The following RDH13 variants were observed in gnomAD, a reference collection of about 807,000 sequenced individuals.
RDH13 encodes retinol dehydrogenase 13, also known as retinol dehydrogenase 13 (all-trans and 9-cis).
In RDH13, 35 loss-of-function variants were observed where a neutral mutation model predicts 28.3. The observed-to-expected ratio is 1.24, with a 90% CI of 0.95 to 1.64. The LOEUF is 1.64. Among genes scored for constraint, RDH13 ranks in the 40% most tolerant of loss-of-function variants. The probability of loss-of-function intolerance (pLI) is 0.00; values close to 1 mark genes in which losing one functional copy is unlikely to be tolerated. For synonymous variants in RDH13, 229 were observed against 198.5 expected (o/e 1.15, Z -1.29); for missense variants, 514 against 446.3 (o/e 1.15, Z -1.37).
rs766143971 is a variant in RDH13 at position 55,045,250 on chromosome 19, G to C, written c.820C>G (p.Leu274Val). 6.2e-7 allele frequency: 1 copy of C among 1,613,244 alleles called. No individual in the cohort carries two copies. The highest frequency in any genetic ancestry group is 1.3e-5 in the African/African-American group (1 of 74,946). ...PELAAQPSTY[L>V]AVAEELADVS... ...TCCGCCAGTTCCTCCGCCACGGCCA[G>C]GTATGTGCTGGGCTGGGCGGCCAGC... Residue 274 changes from leucine to valine, a missense_variant, in exon 7 of 7, where the codon CTG becomes GTG. Leu to Val is a conservative substitution (Grantham distance 32, BLOSUM62 1). Transcript: ENST00000415061.
Position 55,056,736 on chromosome 19 carries a change from G to T in RDH13, c.257C>A (p.Thr86Asn). ...CCGGGCGTTGACATGGTGATTGAGG[G>T]TCTCCCCGCGGATGTCCTTTGCTGC... ...EAAAKDIRGE[T>N]LNHHVNARHL... The change falls in exon 3 of 7, where the codon ACC becomes AAC. Residue 86 changes from threonine to asparagine, a missense_variant. Coordinates refer to ENST00000415061, the MANE Select transcript of RDH13 (RefSeq NM_001145971.2). 6.2e-7 allele frequency: 1 copy of T among 1,613,968 alleles called. No homozygotes were observed. The highest frequency in any genetic ancestry group is 8.5e-7 in the Non-Finnish European group (1 of 1,179,990).
At chr19:55,064,293 C>G (rs1025336584), upstream of RDH13, 1 of 151,970 alleles carries the variant, frequency 6.6e-6, no homozygotes, top group African/African-American at 2.4e-5. Context: ...TGGTGGCACT[C>G]ACCTGTAGTC....
chr19:55,062,912 G>C, intron 1 of RDH13, 56 bp downstream of exon 1: 1 of 1,358,686 alleles, frequency 7.4e-7, no homozygotes, highest in Non-Finnish European at 9.6e-7. Flanking sequence ...CCGCCTTCCC[G>C]GCCCCTGCGC....
downstream of RDH13, chr19:55,039,853 T>C (rs1203233639): frequency 6.6e-6 from 1 of 151,936 alleles, no homozygotes; most frequent in Non-Finnish European, 1.5e-5. Context: ...AAATAAAAAA[T>C]ATTATAAAAG....
chr19:55,055,061 T>C (rs569042736), intron 3 of RDH13, among the ~76,000 whole-genome samples: 1 of 152,294 alleles, frequency 6.6e-6, no homozygotes, highest in African/African-American at 2.4e-5. Context: ...CATAAAAATA[T>C]ATAAATACAC....
intron 3 of RDH13, among the ~76,000 whole-genome samples, chr19:55,052,063 C>CTTTTTTTTTTTTT (rs111427426): frequency 1.7e-5 from 2 of 120,734 alleles, no homozygotes; most frequent in African/African-American, 6.8e-5. Context: ...ACTGCCTCAA[C>CTTTTTTTTTTTTT]TTTTTTTTTT....
chr19:55,064,599 TTTTG>T (rs145284411), upstream of RDH13, among the ~76,000 whole-genome samples: 1,525 of 151,392 alleles, frequency 0.01, 11 homozygotes, highest in Middle Eastern at 0.02. Context: ...CAGGATTTGT[TTTTG>T]TTTGTTTGTT....
At chr19:55,065,072 G>C (rs59276232), upstream of RDH13, among the ~76,000 whole-genome samples, 1 of 150,570 alleles carries the variant, frequency 6.6e-6, no homozygotes, top group Admixed American at 6.8e-5. Context: ...TTTATGCATA[G>C]TTTACCAAAC....
At chr19:55,048,621 C>T (rs745461159) in intron 4 of RDH13, 38 bp downstream of exon 4, 16 of 1,610,480 alleles carry the variant, frequency 9.9e-6, no homozygotes, top group East Asian at 2.2e-5. Context: ...GGGGGAGGAT[C>T]GCTTGAACCC....
chr19:55,048,293 A>G, intron 5 of RDH13, 36 bp downstream of exon 5: 1 of 1,612,624 alleles, frequency 6.2e-7, no homozygotes, highest in African/African-American at 1.3e-5. Context: ...GGCTCAGAGT[A>G]AAGCAAGAGG....
Position 55,048,546 on chromosome 19 carries a change from A to G in RDH13, c.446-5T>C. On this transcript the variant is annotated splice_polypyrimidine_tract_variant and splice_region_variant and intron_variant, in intron 4 of 6. Coordinates refer to ENST00000415061, the MANE Select transcript of RDH13 (RefSeq NM_001145971.2). ...AGTTTGTCAAGAGAAAGTGACCTGG[A>G]TTAAGGATGATGAAAAGGTCACTTT... The G allele has an allele frequency of 6.2e-7, 1 of 1,614,018 alleles. No homozygotes were observed.
intron 1 of RDH13, among the ~76,000 whole-genome samples, chr19:55,060,372 C>T (rs549879220): frequency 6.6e-6 from 1 of 152,222 alleles, no homozygotes; most frequent in South Asian, 2.1e-4. Context: ...TCAATCTGGC[C>T]TACGTGCACG....
intron 2 of RDH13, among the ~76,000 whole-genome samples, chr19:55,057,063 G>A (rs2075662183): frequency 6.6e-6 from 1 of 152,170 alleles, no homozygotes; most frequent in Admixed American, 6.5e-5. Flanking sequence ...GCTACAGCAA[G>A]GATGACCGTC....
At chr19:55,053,106 C>G (rs2075510183) in intron 3 of RDH13, among the ~76,000 whole-genome samples, 1 of 151,970 alleles carries the variant, frequency 6.6e-6, no homozygotes, top group African/African-American at 2.4e-5. Flanking sequence ...GGAAGAGCCA[C>G]AGCTTCCAGC....
chr19:55,064,622 TTTG>T (rs1832136412), upstream of RDH13, among the ~76,000 whole-genome samples: 3 of 151,390 alleles, frequency 2.0e-5, no homozygotes, highest in Non-Finnish European at 4.4e-5. Flanking sequence ...TTTGTTTTGT[TTTG>T]TTTTTTGAGA....
At chr19:55,062,299 T>C (rs1359176146) in intron 1 of RDH13, among the ~76,000 whole-genome samples, 1 of 152,106 alleles carries the variant, frequency 6.6e-6, no homozygotes, top group African/African-American at 2.4e-5. Flanking sequence ...AACAGGAGGC[T>C]GAGCAGGTAA....
chr19:55,047,365 C>G, intron 6 of RDH13, 22 bp downstream of exon 6: 1 of 1,607,410 alleles, frequency 6.2e-7, no homozygotes, highest in Non-Finnish European at 8.5e-7. Context: ...ACGTGGAGAC[C>G]CCAGGCTGGG....
intron 3 of RDH13, among the ~76,000 whole-genome samples, chr19:55,054,900 T>C (rs140588623): frequency 6.6e-6 from 1 of 152,156 alleles, no homozygotes; most frequent in African/African-American, 2.4e-5. Flanking sequence ...TAGCTTGATT[T>C]AGCCATTCTA....
At chr19:55,066,391 C>T (rs2075958306), upstream of RDH13, among the ~76,000 whole-genome samples, 2 of 152,014 alleles carry the variant, frequency 1.3e-5, no homozygotes, top group South Asian at 4.2e-4. Context: ...TCTTCTCTAT[C>T]TCTCCTCTCT....
Sources: allele counts gnomAD v4.1 joint callset (sites outside exome capture counted in the v4.1 genomes callset), GRCh38; gene constraint gnomAD v4.1.1; transcripts MANE v1.5; gene names NCBI Gene and HGNC (gene_info 2026-07-23, HGNC 2026-07-21).